The following GDPD4 variants were observed in gnomAD, a reference collection of about 807,000 sequenced individuals.
The protein encoded by GDPD4 is glycerophosphodiester phosphodiesterase 6.
In GDPD4, 60 loss-of-function variants were observed where a neutral mutation model predicts 67.8. The ratio of observed to expected loss-of-function variants is 0.88; its 90% CI spans 0.72 to 1.10. GDPD4 has a LOEUF of 1.10. Ranked by LOEUF, GDPD4 falls within the 50% of genes least tolerant of loss-of-function variation. The probability of loss-of-function intolerance (pLI) is 0.00; values close to 1 mark genes in which losing one functional copy is unlikely to be tolerated. For synonymous variants in GDPD4, 212 were observed against 210.9 expected, an observed-to-expected ratio of 1.00 and a Z score of -0.04; for missense variants, 623 against 613.9, an observed-to-expected ratio of 1.01 and a Z score of -0.16.
At chr11:77,298,960 A>G (rs1938071492) in intron 1 of GDPD4, among the ~76,000 whole-genome samples, 1 of 152,074 alleles carries the variant, frequency 6.6e-6, no homozygotes, top group African/African-American at 2.4e-5. Flanking sequence ...AGGGTTAAAT[A>G]AAACCCATCT....
intron 3 of GDPD4, among the ~76,000 whole-genome samples, chr11:77,284,745 A>T (rs749467759): frequency 6.6e-6 from 1 of 152,216 alleles, no homozygotes; most frequent in Non-Finnish European, 1.5e-5. Context: ...AAGACCAACT[A>T]GTGTCAACAT....
At chr11:77,221,558 A>G (rs1475781725) in intron 16 of GDPD4, among the ~76,000 whole-genome samples, 11 of 152,196 alleles carry the variant, frequency 7.2e-5, no homozygotes, top group Non-Finnish European at 5.9e-5. Flanking sequence ...GAGTTTCTTA[A>G]TCCTGAGATC....
At chr11:77,222,529 T>C (rs1212688289) in intron 16 of GDPD4, among the ~76,000 whole-genome samples, 1 of 152,194 alleles carries the variant, frequency 6.6e-6, no homozygotes, top group African/African-American at 2.4e-5. Flanking sequence ...AAAATTCTTT[T>C]CTTTTCTTTA....
At chr11:77,244,301 G>C (rs1958737145) in intron 12 of GDPD4, among the ~76,000 whole-genome samples, 1 of 152,036 alleles carries the variant, frequency 6.6e-6, no homozygotes, top group Non-Finnish European at 1.5e-5. Context: ...CCAAGTGCTG[G>C]GATTACAGGC....
chr11:77,292,950 T>G (rs2135895355), intron 1 of GDPD4, among the ~76,000 whole-genome samples: 2 of 152,218 alleles, frequency 1.3e-5, no homozygotes, highest in Middle Eastern at 6.8e-3. Flanking sequence ...TGAATTTTAC[T>G]TAAATTAAAA....
chr11:77,232,986 A>C, intron 14 of GDPD4, 39 bp downstream of exon 14: 2 of 1,609,616 alleles, frequency 1.2e-6, no homozygotes, highest in Non-Finnish European at 1.7e-6. Context: ...CACTGCTATC[A>C]TACCAAGCCT....
chr11:77,253,049 C>G lies in GDPD4; in HGVS notation c.864+5337G>C, dbSNP rs1341829674. 2.0e-5 allele frequency among the ~76,000 whole-genome samples: 3 copies of G among 152,140 alleles called. No individual in the cohort carries two copies. In the East Asian group the frequency reaches 5.8e-4, roughly 29 times the overall value. On this transcript the variant is annotated intron_variant, in intron 11 of 16. Coordinates refer to ENST00000315938, the MANE Select transcript of GDPD4 (RefSeq NM_182833.3). ...GTCCTAGGATCAGAGTCTCACAAAC[C>G]TATTTGCCCTCTCTGTGAACCTTTC...
At position 77,217,169 on chromosome 11, in the gene GDPD4, T is replaced by A; in HGVS notation, c.*108A>T. 1 of 838,776 alleles carries A rather than the reference T, an allele frequency of 1.2e-6. No individual in the cohort carries two copies. The highest frequency in any genetic ancestry group is 2.1e-6 in the Non-Finnish European group (1 of 473,560). 52.0% of individuals were successfully genotyped at this position (838,776 alleles called of 1,614,324 possible). ...TGGTGCTGCAAAATTGAAATGGCCT[T>A]GGTGTTCCTTTCCACTCTTGGGTAG... On this transcript the variant is annotated 3_prime_UTR_variant, in exon 17 of 17. Coordinates refer to ENST00000315938, the MANE Select transcript of GDPD4 (RefSeq NM_182833.3).
At chr11:77,266,222 CA>C (rs1417410775) in intron 10 of GDPD4, among the ~76,000 whole-genome samples, 3 of 152,122 alleles carry the variant, frequency 2.0e-5, no homozygotes, top group Non-Finnish European at 4.4e-5. Flanking sequence ...TAATGTGCCA[CA>C]TAATGACAAT....
At chr11:77,252,717 G>A (rs1591548959) in intron 11 of GDPD4, among the ~76,000 whole-genome samples, 1 of 152,202 alleles carries the variant, frequency 6.6e-6, no homozygotes, top group East Asian at 1.9e-4. Context: ...TGAGAAGGGT[G>A]TGGTGACTTT....
At chr11:77,287,687 A>C (rs2135890558) in intron 1 of GDPD4, among the ~76,000 whole-genome samples, 1 of 152,266 alleles carries the variant, frequency 6.6e-6, no homozygotes, top group East Asian at 1.9e-4. Flanking sequence ...CCCTGTCCTC[A>C]CCAACTAATA....
intron 12 of GDPD4, among the ~76,000 whole-genome samples, chr11:77,244,269 A>C (rs896111197): frequency 7.9e-5 from 12 of 152,174 alleles, no homozygotes; most frequent in South Asian, 4.2e-4. Context: ...TCCTGACCTC[A>C]TGATCCGCCC....
chr11:77,251,209 T>A (rs2135851367), intron 11 of GDPD4, among the ~76,000 whole-genome samples: 1 of 152,302 alleles, frequency 6.6e-6, no homozygotes, highest in Middle Eastern at 3.4e-3. Context: ...TTTTGTATAT[T>A]CTTTGTTTCT....
In GDPD4 at chr11:77,263,472, C is replaced by A. The variant is rs1448154241; in HGVS notation, c.708-4930G>T. On this transcript the variant is annotated intron_variant, in intron 10 of 16. Transcript: ENST00000315938. Reference sequence around the variant, plus strand: ...AAAAGAGGTATAGCTAATAATCCAACAGTAGAGATGAAGTTCTAAAAAATG... The same window carrying A: ...AAAAGAGGTATAGCTAATAATCCAAAAGTAGAGATGAAGTTCTAAAAAATG... Among the ~76,000 whole-genome samples the A allele has an allele frequency of 3.3e-5, 5 of 151,906 alleles. No individual in the cohort carries two copies. The East Asian group carries it at 9.7e-4, about 29-fold the overall frequency.
At chr11:77,262,775 A>G (rs1959143492) in intron 10 of GDPD4, among the ~76,000 whole-genome samples, 1 of 148,778 alleles carries the variant, frequency 6.7e-6, no homozygotes, top group African/African-American at 2.5e-5. Flanking sequence ...CTCTAGCCCC[A>G]AACTCCTCAG....
chr11:77,269,161 C>CATGG, intron 8 of GDPD4, 92 bp from the exon 9 acceptor site: 4 of 1,157,950 alleles, frequency 3.5e-6, no homozygotes, highest in Non-Finnish European at 5.0e-6. Context: ...TGAGTAAACC[C>CATGG]ACAGTCCATG....
At chr11:77,278,987 G>T (rs1191050724) in intron 4 of GDPD4, among the ~76,000 whole-genome samples, 2 of 152,192 alleles carry the variant, frequency 1.3e-5, no homozygotes, top group Non-Finnish European at 2.9e-5. Context: ...GAAGCTATGG[G>T]TATCTAAAAT....
At position 77,233,139 on chromosome 11, in the gene GDPD4, T is replaced by C. The variant is rs1448776454; in HGVS notation, c.1275A>G (p.Val425=). Residue 425 remains valine, a synonymous_variant, in exon 14 of 17, where the codon GTA becomes GTG. Coordinates refer to ENST00000315938, the MANE Select transcript of GDPD4 (RefSeq NM_182833.3). ...AAAGCCAAGGCTCATTGACGGTGTA[T>C]ACGTTGATATGGATGTTAGCTGCTT... ...DYKAANIHIN[V]YTVNEPWLFS... 4 of 1,614,004 alleles carry C rather than the reference T, an allele frequency of 2.5e-6. No homozygotes were observed. The highest frequency in any genetic ancestry group is 2.2e-5 in the East Asian group (1 of 44,888).
At chr11:77,226,681 T>G (rs1422118600) in intron 16 of GDPD4, among the ~76,000 whole-genome samples, 1 of 152,202 alleles carries the variant, frequency 6.6e-6, no homozygotes. Flanking sequence ...ATAAACTAGC[T>G]GCAATCGTCA....
Sources: allele counts gnomAD v4.1 joint callset (sites outside exome capture counted in the v4.1 genomes callset), GRCh38; gene constraint gnomAD v4.1.1; transcripts MANE v1.5; gene names NCBI Gene and HGNC (gene_info 2026-07-23, HGNC 2026-07-21).